PRMT5: variants seen among roughly 807,000 people sequenced by gnomAD.
PRMT5 encodes the protein protein arginine methyltransferase 5.
A neutral mutation model predicts 84.0 loss-of-function variants in PRMT5; 15 were observed. That is an observed-to-expected ratio of 0.18 (90% CI 0.12 to 0.28). The LOEUF (loss-of-function observed/expected upper bound fraction) is 0.28, where lower values mean the gene tolerates loss of function less well. Ranked by LOEUF, PRMT5 falls within the 10% of genes least tolerant of loss-of-function variation. The pLI is 1.00. For missense variants in PRMT5, 486 were observed against 808.0 expected (o/e 0.60, Z 4.83); for synonymous variants, 276 against 292.4 (o/e 0.94, Z 0.57).
rs780206554 is a variant in PRMT5 at position 22,929,235 on chromosome 14, G to A, written c.110+17C>T. 1.8e-5 allele frequency: 29 copies of A among 1,613,778 alleles called. No homozygotes were observed. Among genetic ancestry groups the A allele is most frequent in the Non-Finnish European group, 2.5e-5 (29 of 1,179,962 alleles). On this transcript the variant is annotated intron_variant, in intron 1 of 16. Coordinates refer to ENST00000324366, the MANE Select transcript of PRMT5 (RefSeq NM_006109.5). ...AGTTCGGACCCCGCATTCCGCTCGT[G>A]GAGGTCCGGCCCTCACCCCTGCTTG... is the stretch of plus-strand genomic sequence containing the variant.
Position 22,920,685 on chromosome 14 carries a change from T to C in PRMT5, c.*219A>G, listed in dbSNP as rs952520508. 2.7e-6 allele frequency: 2 copies of C among 733,988 alleles called. No homozygotes were observed. The highest frequency in any genetic ancestry group is 5.0e-6 in the Non-Finnish European group (2 of 403,800). 45.5% of individuals were successfully genotyped at this position (733,988 alleles called of 1,614,324 possible). A position where few individuals can be genotyped will look rare whatever the true frequency, so the allele number is the denominator to read the frequency against. On this transcript the variant is annotated 3_prime_UTR_variant, in exon 17 of 17. Transcript: ENST00000324366. ...TGCGTAGCTTCAAATCCAGCACTAA[T>C]TCCTCACCCCCTGGCCTGAGGTCTT...
In PRMT5 at chr14:22,926,823, G is replaced by A; in HGVS notation, c.451-9C>T. ...GGTACCCGCATCCAGAACTGCACAT[G>A]AACAGTCACCCTTTTAGAACTCTCT... is the stretch of plus-strand genomic sequence containing the variant. On this transcript the variant is annotated splice_polypyrimidine_tract_variant and intron_variant, in intron 4 of 16. Transcript: ENST00000324366. 1.9e-6 allele frequency: 3 copies of A among 1,586,648 alleles called. No homozygotes were observed. The highest frequency in any genetic ancestry group is 1.7e-6 in the Non-Finnish European group (2 of 1,155,036).
chr14:22,926,848 T>G, intron 4 of PRMT5, 34 bp from the exon 5 acceptor site: 4 of 1,477,976 alleles, frequency 2.7e-6, no homozygotes, highest in Non-Finnish European at 3.8e-6. Context: ...TAGAACTCTC[T>G]TTTGAACTCA....
chr14:22,925,986 T>C (rs552221268), intron 7 of PRMT5, 147 bp downstream of exon 7: 3 of 893,304 alleles, frequency 3.4e-6, no homozygotes, highest in East Asian at 4.9e-5. Context: ...GCATTTACCT[T>C]TTTGTTCTCA....
Position 22,923,984 on chromosome 14 carries a change from A to G in PRMT5, c.1375+24T>C, listed in dbSNP as rs1276588022. On this transcript the variant is annotated intron_variant, in intron 12 of 16. Coordinates refer to ENST00000324366, the MANE Select transcript of PRMT5 (RefSeq NM_006109.5). The surrounding 1 kb of genome is among the most constrained non-coding windows in gnomAD (Gnocchi z 5.2). ...GCTGTCTCACCCATCATCACCCTCC[A>G]CCTACACCCCAACCTGGGGGCACCT... 6.5e-7 allele frequency: 1 copy of G among 1,533,922 alleles called. No individual in the cohort carries two copies. Among genetic ancestry groups the G allele is most frequent in the South Asian group, 1.3e-5 (1 of 77,302 alleles).
Position 22,923,131 on chromosome 14 carries a change from T to C in PRMT5, c.1405A>G (p.Thr469Ala). Reference sequence around the variant, plus strand: ...GAAGAGATGGGAGCCAGAAAGGAAGTGTACTCCCCGGGGATGCTCACACCA... The same window carrying C: ...GAAGAGATGGGAGCCAGAAAGGAAGCGTACTCCCCGGGGATGCTCACACCA... ...DDGVSIPGEY[T>A]SFLAPISSSK... Residue 469 changes from threonine to alanine, a missense_variant, in exon 13 of 17, where the codon ACT becomes GCT. This residue lies in a region of PRMT5 where 219 missense variants were observed against 433.6 expected (regional missense o/e 0.51). Transcript: ENST00000324366. This position sits in a 1 kb window ranked among gnomAD's most constrained non-coding sequence, Gnocchi z 5.2. 1.2e-6 allele frequency: 2 copies of C among 1,613,316 alleles called. No individual in the cohort carries two copies. The highest frequency in any genetic ancestry group is 1.7e-6 in the Non-Finnish European group (2 of 1,179,780).
rs949662182 is a variant in PRMT5 at position 22,920,767 on chromosome 14, T to G, written c.*137A>C. The G allele has an allele frequency of 1.6e-6, 2 of 1,275,940 alleles. No individual in the cohort carries two copies. Among genetic ancestry groups the G allele is most frequent in the African/African-American group, 1.5e-5 (1 of 68,224 alleles). 79.0% of individuals were successfully genotyped at this position (1,275,940 alleles called of 1,614,324 possible). On this transcript the variant is annotated 3_prime_UTR_variant, in exon 17 of 17. Coordinates refer to ENST00000324366, the MANE Select transcript of PRMT5 (RefSeq NM_006109.5). ...TTATAATCCCTTGCCCACCTTGATG[T>G]AAGGCAGGAAAGCAGATTGAAATGC...
intron 16 of PRMT5, 188 bp from the exon 17 acceptor site, chr14:22,921,244 A>G (rs1185447003): frequency 1.1e-5 from 7 of 658,634 alleles, no homozygotes; most frequent in Non-Finnish European, 1.8e-5. Flanking sequence ...GTACAGAGTC[A>G]GAAAAACACC....
chr14:22,926,087 G>A, intron 7 of PRMT5, 46 bp downstream of exon 7: 4 of 1,529,888 alleles, frequency 2.6e-6, no homozygotes, highest in Non-Finnish European at 3.6e-6. Context: ...GGTAAATAAG[G>A]CAAGATGTAT....
chr14:22,926,464 G>GT, intron 6 of PRMT5, 42 bp downstream of exon 6: 1 of 1,608,552 alleles, frequency 6.2e-7, no homozygotes, highest in African/African-American at 1.3e-5. Context: ...TTCACAGGAG[G>GT]TAAGAGAAGC....
In PRMT5 at chr14:22,928,399, A is replaced by G. The variant is rs2044474092; in HGVS notation, c.229+98T>C. The G allele has an allele frequency of 1.6e-6, 2 of 1,216,026 alleles. No homozygotes were observed. The highest frequency in any genetic ancestry group is 2.4e-6 in the Non-Finnish European group (2 of 824,572). 75.3% of individuals were successfully genotyped at this position (1,216,026 alleles called of 1,614,324 possible). ...GTTATCTATATCCCAGGGACTAACA[A>G]ATATATCCAAGTCAGAAAAGGAGGA... is the stretch of plus-strand genomic sequence containing the variant. On this transcript the variant is annotated intron_variant, in intron 2 of 16. Coordinates refer to ENST00000324366, the MANE Select transcript of PRMT5 (RefSeq NM_006109.5). The surrounding 1 kb of genome is among the most constrained non-coding windows in gnomAD (Gnocchi z 4.8).
At position 22,926,198 on chromosome 14, in the gene PRMT5, T is replaced by C; in HGVS notation, c.712A>G (p.Thr238Ala). ...AAILPTSIFL[T>A]NKKGFPVLSK... The stretch of plus-strand genomic sequence containing the variant: ...AGAACAGGAAATCCCTTCTTATTGG[T>C]CAGGAAAATGCTAGTGGGGAGAATG... The change falls in exon 7 of 17, where the codon ACC (threonine) becomes GCC (alanine). Residue 238 changes from threonine to alanine, a missense_variant. By Grantham distance (58) the Thr-to-Ala change is moderately conservative. This residue lies in a region of PRMT5 where 215 missense variants were observed against 301.1 expected (regional missense o/e 0.71). Coordinates refer to ENST00000324366, the MANE Select transcript of PRMT5 (RefSeq NM_006109.5). The C allele has an allele frequency of 1.2e-6, 2 of 1,613,214 alleles. No individual in the cohort carries two copies. Among genetic ancestry groups the C allele is most frequent in the East Asian group, 2.2e-5 (1 of 44,872 alleles).
intron 16 of PRMT5, 23 bp downstream of exon 16, chr14:22,922,153 A>T (rs371105757): frequency 1.3e-6 from 2 of 1,531,366 alleles, no homozygotes; most frequent in African/African-American, 1.4e-5. Flanking sequence ...GCTTAACTAG[A>T]GAGTCTTAAA....
At position 22,926,585 on chromosome 14, in the gene PRMT5, A is replaced by T. The variant is rs371206254; in HGVS notation, c.564-30T>A. 9 of 1,613,640 alleles carry T rather than the reference A, an allele frequency of 5.6e-6. No individual in the cohort carries two copies. The African/African-American group carries it at 1.2e-4, about 22-fold the overall frequency. ...TCAGTCAAATACAGAAAAGTACAGTAAACTAGATATGGCCGACCAATCACC... is the reference window on the plus strand; with the variant it reads ...TCAGTCAAATACAGAAAAGTACAGTTAACTAGATATGGCCGACCAATCACC... On this transcript the variant is annotated intron_variant, in intron 5 of 16. Coordinates refer to ENST00000324366, the MANE Select transcript of PRMT5 (RefSeq NM_006109.5).
chr14:22,927,084 CTTT>C (rs34007516), intron 4 of PRMT5, among the ~76,000 whole-genome samples: 8 of 132,468 alleles, frequency 6.0e-5, no homozygotes, highest in Middle Eastern at 3.9e-3. Flanking sequence ...CAATACTGAC[CTTT>C]TTTTTTTTTT....
At chr14:22,922,404 C>A (rs1389673553) in intron 15 of PRMT5, 39 bp downstream of exon 15, 4 of 1,536,960 alleles carry the variant, frequency 2.6e-6, no homozygotes, top group Admixed American at 1.7e-5. Context: ...CCAGGAAGCA[C>A]ACCCTCATAC....
intron 16 of PRMT5, 45 bp from the exon 17 acceptor site, chr14:22,921,101 A>C: frequency 6.2e-7 from 1 of 1,605,834 alleles, no homozygotes; most frequent in Non-Finnish European, 8.5e-7. Flanking sequence ...GCTATGAATT[A>C]TACATGGCAA....
At chr14:22,922,069 A>G (rs1205106186) in intron 16 of PRMT5, 107 bp downstream of exon 16, 1 of 1,009,458 alleles carries the variant, frequency 9.9e-7, no homozygotes, top group East Asian at 2.4e-5. Context: ...ATATGAAATC[A>G]GGAGAACATG....
chr14:22,926,595 T>C (rs1036541801), intron 5 of PRMT5, 40 bp from the exon 6 acceptor site: 2 of 1,612,748 alleles, frequency 1.2e-6, no homozygotes, highest in Non-Finnish European at 1.7e-6. Flanking sequence ...AAACTAGATA[T>C]GGCCGACCAA....
Sources: allele counts gnomAD v4.1 joint callset (sites outside exome capture counted in the v4.1 genomes callset), GRCh38; gene constraint gnomAD v4.1.1; regional missense constraint gnomAD v4.1.1; non-coding constraint Gnocchi (gnomAD v3.1); transcripts MANE v1.5; gene names NCBI Gene and HGNC (gene_info 2026-07-23, HGNC 2026-07-21).